The following SCN7A variants were observed in gnomAD, a reference collection of about 807,000 sequenced individuals.
The protein encoded by SCN7A is sodium channel protein type 7 subunit alpha.
A neutral mutation model predicts 155.2 loss-of-function variants in SCN7A; 138 were observed. That is an observed-to-expected ratio of 0.89 (90% CI 0.77 to 1.02). The LOEUF (loss-of-function observed/expected upper bound fraction) is 1.02, where lower values mean the gene tolerates loss of function less well. Among genes scored for constraint, SCN7A ranks in the 50% least tolerant of loss-of-function variants. The pLI, the probability that SCN7A is intolerant of heterozygous loss-of-function variation, is 0.00. For synonymous variants in SCN7A, 693 were observed against 649.0 expected (o/e 1.07, Z -1.03); for missense variants, 2,058 against 1,986.6 (o/e 1.04, Z -0.68).
At chr2:166,462,131 C>T (rs1331328494) in intron 10 of SCN7A, 8 of 276,442 alleles carry the variant, frequency 2.9e-5, no homozygotes, top group Non-Finnish European at 5.4e-5. Context: ...AATACACACA[C>T]TCTCTTCTCT....
At chr2:166,424,169 T>C (rs542871542) in intron 18 of SCN7A, among the ~76,000 whole-genome samples, 3 of 152,104 alleles carry the variant, frequency 2.0e-5, no homozygotes, top group Non-Finnish European at 1.5e-5. Context: ...AAAATAACAA[T>C]AGATTTTATG....
Position 166,441,754 on chromosome 2 carries a change from T to C in SCN7A, c.1801-2A>G, listed in dbSNP as rs1701967799. ...CTTTCCCAACTTGAAAATTCTTAAC[T>C]AATAGAGCAATGTAAAATCAAGAAC... On this transcript the variant is annotated splice_acceptor_variant, in intron 14 of 25. Coordinates refer to ENST00000643258, the MANE Select transcript of SCN7A (RefSeq NM_002976.4). LOFTEE classifies it high-confidence loss of function. 1 of 1,584,790 alleles carries C rather than the reference T, an allele frequency of 6.3e-7. No individual in the cohort carries two copies. The highest frequency in any genetic ancestry group is 8.6e-7 in the Non-Finnish European group (1 of 1,167,028).
chr2:166,466,092 T>C (rs998584323), intron 7 of SCN7A, 105 bp from the exon 8 acceptor site: 7 of 732,790 alleles, frequency 9.6e-6, no homozygotes, highest in Non-Finnish European at 1.5e-5. Context: ...ATCAACAGTT[T>C]TATCTTATAA....
rs1026195427 is a variant in SCN7A, at chr2:166,405,364, C to T, written c.*216G>A. On this transcript the variant is annotated 3_prime_UTR_variant, in exon 26 of 26. Coordinates refer to ENST00000643258, the MANE Select transcript of SCN7A (RefSeq NM_002976.4). ...TGAGATTGTCAAATGGCCACTTTAA[C>T]CCACTTTAAACTCACTGCAGCAATA... is the stretch of plus-strand genomic sequence containing the variant. 8.5e-6 allele frequency: 4 copies of T among 471,282 alleles called. No homozygotes were observed. Among genetic ancestry groups the T allele is most frequent in the Admixed American group, 3.9e-5 (1 of 25,694 alleles). 29.2% of individuals were successfully genotyped at this position (471,282 alleles called of 1,614,324 possible).
intron 15 of SCN7A, among the ~76,000 whole-genome samples, chr2:166,439,765 A>G (rs1575027717): frequency 1.3e-5 from 2 of 152,182 alleles, no homozygotes; most frequent in East Asian, 3.9e-4. Flanking sequence ...AATAAAGAGG[A>G]GAGCTATGGT....
At chr2:166,468,801 G>A (rs1223314509) in intron 7 of SCN7A, among the ~76,000 whole-genome samples, 2 of 151,756 alleles carry the variant, frequency 1.3e-5, no homozygotes, top group African/African-American at 4.8e-5. Flanking sequence ...TAGAATTCTA[G>A]TGTCTCAACT....
intron 1 of SCN7A, among the ~76,000 whole-genome samples, chr2:166,489,413 T>G (rs893114429): frequency 2.0e-5 from 3 of 152,210 alleles, no homozygotes. Context: ...TCTATATTAC[T>G]TGAACATAAC....
In SCN7A at chr2:166,432,753, C is replaced by A. The variant is rs1559100514; in HGVS notation, c.2158-1G>T. 6.6e-6 allele frequency: 10 copies of A among 1,518,472 alleles called. No individual in the cohort carries two copies. In the South Asian group the frequency reaches 1.2e-4, roughly 18 times the overall value. The allele number at this position is 1,518,472 out of a possible 1,614,324, so 94.1% of individuals were successfully genotyped here. A position where few individuals can be genotyped will look rare whatever the true frequency, so the allele number is the denominator to read the frequency against. On this transcript the variant is annotated splice_acceptor_variant, in intron 15 of 25. Transcript: ENST00000643258. LOFTEE classifies it high-confidence loss of function. ...CCAATGCCAGAAACAGGTAAAGTACCTAAATAAGGAAGTAAAATGAGGCTA... is the reference window on the plus strand; with the variant it reads ...CCAATGCCAGAAACAGGTAAAGTACATAAATAAGGAAGTAAAATGAGGCTA...
chr2:166,412,282 T>G (rs1002912340), intron 23 of SCN7A, among the ~76,000 whole-genome samples: 1 of 152,128 alleles, frequency 6.6e-6, no homozygotes, highest in African/African-American at 2.4e-5. Context: ...TCCAAAACAC[T>G]TGTAATTTTT....
In SCN7A at chr2:166,457,263, C is replaced by T. The variant is rs186229370; in HGVS notation, c.1084-187G>A. Among the ~76,000 whole-genome samples, 3 of 152,216 alleles carry T rather than the reference C, an allele frequency of 2.0e-5. No individual in the cohort carries two copies. The South Asian group carries it at 6.2e-4, about 32-fold the overall frequency. On this transcript the variant is annotated intron_variant, in intron 10 of 25. Coordinates refer to ENST00000643258, the MANE Select transcript of SCN7A (RefSeq NM_002976.4). Reference sequence around the variant, plus strand: ...AAATGAAAACCTTTTGAACTTGAGACCTGCATGTAAGGTATACAATATATG... The same window carrying T: ...AAATGAAAACCTTTTGAACTTGAGATCTGCATGTAAGGTATACAATATATG...
chr2:166,411,742 C>T (rs1170639990), intron 23 of SCN7A, among the ~76,000 whole-genome samples: 1 of 151,982 alleles, frequency 6.6e-6, no homozygotes, highest in Non-Finnish European at 1.5e-5. Flanking sequence ...TTAGGTACTA[C>T]CCTGCGGTTT....
chr2:166,485,830 T>A (rs536392090), intron 2 of SCN7A, among the ~76,000 whole-genome samples: 66 of 152,276 alleles, frequency 4.3e-4, no homozygotes, highest in African/African-American at 1.5e-3. Flanking sequence ...TAAATTATCC[T>A]TTGTTATCTC....
intron 17 of SCN7A, 71 bp from the exon 18 acceptor site, chr2:166,428,013 AC>A: frequency 7.3e-7 from 1 of 1,375,752 alleles, no homozygotes; most frequent in Non-Finnish European, 1.0e-6. Flanking sequence ...GAAACTTTCT[AC>A]TATGTGCCAC....
At chr2:166,463,539 A>C (rs1322933541) in intron 9 of SCN7A, among the ~76,000 whole-genome samples, 1 of 152,210 alleles carries the variant, frequency 6.6e-6, no homozygotes, top group African/African-American at 2.4e-5. Context: ...GAAACACTGC[A>C]TGACTTTCTC....
At chr2:166,423,152 G>A in intron 19 of SCN7A, 107 bp downstream of exon 19, 1 of 1,056,718 alleles carries the variant, frequency 9.5e-7, no homozygotes, top group Non-Finnish European at 1.4e-6. Flanking sequence ...CAACAATGTA[G>A]AGAGAGAGGG....
intron 11 of SCN7A, among the ~76,000 whole-genome samples, chr2:166,455,926 G>A (rs1275099831): frequency 2.6e-5 from 4 of 152,132 alleles, no homozygotes; most frequent in Non-Finnish European, 5.9e-5. Context: ...GCTTTTTAAT[G>A]TGCTGCTGGA....
At chr2:166,470,593 GA>G in intron 7 of SCN7A, 21 bp downstream of exon 7, 1 of 1,572,064 alleles carries the variant, frequency 6.4e-7, no homozygotes, top group Non-Finnish European at 8.7e-7. Context: ...ATGAAGAAAA[GA>G]CATTCAATGC....
At position 166,404,727 on chromosome 2, in the gene SCN7A, T is replaced by C. The variant is rs1223796465; in HGVS notation, c.*853A>G. The C allele has an allele frequency of 6.7e-6, 1 of 149,914 alleles. No individual in the cohort carries two copies. The allele number at this position is 149,914 out of a possible 1,614,324, so 9.3% of individuals were successfully genotyped here. ...AATAACTGGTAAAAATACATCAATTTCATAAGGTAAAGCTTGAGTCTATTA... is the reference window on the plus strand; with the variant it reads ...AATAACTGGTAAAAATACATCAATTCCATAAGGTAAAGCTTGAGTCTATTA... On this transcript the variant is annotated 3_prime_UTR_variant, in exon 26 of 26. Coordinates refer to ENST00000643258, the MANE Select transcript of SCN7A (RefSeq NM_002976.4).
chr2:166,413,804 C>G (rs1056126247), intron 21 of SCN7A, among the ~76,000 whole-genome samples: 9 of 150,202 alleles, frequency 6.0e-5, no homozygotes, highest in African/African-American at 2.0e-4. Context: ...CTATATTTTT[C>G]TCCTGTGCTG....
Sources: gnomAD v4.1 joint callset for allele counts (sites outside exome capture counted in the v4.1 genomes callset) on GRCh38, gnomAD v4.1.1 for gene constraint, MANE v1.5 for transcripts, NCBI Gene and HGNC (gene_info 2026-07-23, HGNC 2026-07-21) for gene names.